PDE3B: variants seen among roughly 807,000 people sequenced by gnomAD.
The protein encoded by PDE3B is cGMP-inhibited 3',5'-cyclic phosphodiesterase 3B.
A neutral mutation model predicts 116.8 loss-of-function variants in PDE3B; 66 were observed. The ratio of observed to expected loss-of-function variants is 0.56; its 90% CI spans 0.46 to 0.69. PDE3B has a LOEUF of 0.69. PDE3B is among the 30% of genes least tolerant of loss of function. The pLI is 0.00. For missense variants in PDE3B, 1,384 were observed against 1,368.1 expected (o/e 1.01, Z -0.18); for synonymous variants, 595 against 533.6 (o/e 1.12, Z -1.59).
At chr11:14,789,322 T>C (rs1858314540) in intron 4 of PDE3B, 80 bp downstream of exon 4, 2 of 1,110,530 alleles carry the variant, frequency 1.8e-6, no homozygotes, top group Admixed American at 2.2e-5. Flanking sequence ...CAAATAGTTC[T>C]GGAAGCAGAA....
At chr11:14,840,705 G>A (rs959355686) in intron 11 of PDE3B, among the ~76,000 whole-genome samples, 1 of 152,270 alleles carries the variant, frequency 6.6e-6, no homozygotes, top group African/African-American at 2.4e-5. Context: ...TCTTTTGAAA[G>A]GTAATAAGGT....
At chr11:14,878,507 C>T in the PDE3B span, among the ~76,000 whole-genome samples, 27 of 151,912 alleles carry the variant, frequency 1.8e-4, no homozygotes, top group Admixed American at 1.1e-3. Flanking sequence ...TGTTAGACCA[C>T]GGACTTTTGT....
At chr11:14,780,703 A>G (rs896076544) in intron 2 of PDE3B, among the ~76,000 whole-genome samples, 1 of 152,220 alleles carries the variant, frequency 6.6e-6, no homozygotes, top group East Asian at 1.9e-4. Context: ...AATGCCCACA[A>G]GAGAAAGCAG....
downstream of PDE3B, among the ~76,000 whole-genome samples, chr11:14,875,893 C>T (rs1316068892): frequency 6.6e-6 from 1 of 152,106 alleles, no homozygotes; most frequent in Non-Finnish European, 1.5e-5. Context: ...TATAATTTGT[C>T]AGGCTTACAT....
At chr11:14,796,180 C>T (rs558277559) in intron 4 of PDE3B, among the ~76,000 whole-genome samples, 2 of 152,194 alleles carry the variant, frequency 1.3e-5, no homozygotes, top group African/African-American at 2.4e-5. Context: ...CCAGCTTCAT[C>T]CATGTCCCTG....
intron 1 of PDE3B, among the ~76,000 whole-genome samples, chr11:14,692,145 G>T (rs1206530545): frequency 6.6e-6 from 1 of 152,060 alleles, no homozygotes; most frequent in Non-Finnish European, 1.5e-5. Flanking sequence ...ATGGTGGCAT[G>T]TATCTGTAGT....
chr11:14,784,555 A>G (rs1027308817), intron 2 of PDE3B, among the ~76,000 whole-genome samples: 2 of 152,188 alleles, frequency 1.3e-5, no homozygotes, highest in East Asian at 3.8e-4. Context: ...GAAACTCTAT[A>G]AATTAATCAA....
chr11:14,849,908 A>G (rs1393837863), intron 12 of PDE3B, among the ~76,000 whole-genome samples: 2 of 151,840 alleles, frequency 1.3e-5, no homozygotes, highest in African/African-American at 2.4e-5. Context: ...AACTAGTTCA[A>G]CCATTGTGGA....
chr11:14,679,151 A>G (rs1459044354), intron 1 of PDE3B, among the ~76,000 whole-genome samples: 2 of 152,126 alleles, frequency 1.3e-5, no homozygotes, highest in East Asian at 1.9e-4. Flanking sequence ...CTTGATTACT[A>G]GAAAATTGTG....
rs112084502 is a variant in PDE3B, at chr11:14,674,273, C to T, written c.978+29220C>T. 5.4e-4 allele frequency: 604 copies of T among 1,123,892 alleles called. 1 individual carries two copies. In the African/African-American group the frequency reaches 8.1e-3, roughly 15 times the overall value. The allele number at this position is 1,123,892 out of a possible 1,614,324, so 69.6% of individuals were successfully genotyped here. A position where few individuals can be genotyped will look rare whatever the true frequency, so the allele number is the denominator to read the frequency against. ...TGTTGGAGACCAGATGTCTTCTTTC[C>T]TGGGGCAGCCCCTATCGTCTTCCCC... is the stretch of plus-strand genomic sequence containing the variant. On this transcript the variant is annotated intron_variant, in intron 1 of 15. Coordinates refer to ENST00000282096, the MANE Select transcript of PDE3B (RefSeq NM_000922.4).
chr11:14,893,706 T>A, the PDE3B span, among the ~76,000 whole-genome samples: 1 of 152,196 alleles, frequency 6.6e-6, no homozygotes, highest in Non-Finnish European at 1.5e-5. Flanking sequence ...TCTCTTCTAC[T>A]TCCTTCTTCC....
At chr11:14,891,706 C>G in the PDE3B span, 4 of 1,237,096 alleles carry the variant, frequency 3.2e-6, no homozygotes, top group Non-Finnish European at 4.1e-6. Flanking sequence ...GGAGCAAGAG[C>G]TCGAGCGGTA....
intron 5 of PDE3B, among the ~76,000 whole-genome samples, chr11:14,810,265 C>T (rs1859084459): frequency 1.3e-5 from 2 of 151,616 alleles, no homozygotes; most frequent in African/African-American, 4.8e-5. Context: ...GCGCTGCACC[C>T]ACTAACTCGT....
At chr11:14,828,875 G>A (rs1175960701) in intron 7 of PDE3B, among the ~76,000 whole-genome samples, 1 of 152,148 alleles carries the variant, frequency 6.6e-6, no homozygotes, top group Non-Finnish European at 1.5e-5. Flanking sequence ...GTTTATTGCA[G>A]CACTATTTAC....
chr11:14,788,266 A>G (rs1045911605), intron 3 of PDE3B, among the ~76,000 whole-genome samples: 2 of 151,990 alleles, frequency 1.3e-5, no homozygotes, highest in Non-Finnish European at 2.9e-5. Context: ...CAAAAGGGAA[A>G]AGGAACAGAC....
the PDE3B span, among the ~76,000 whole-genome samples, chr11:14,884,008 A>C: frequency 5.3e-5 from 8 of 152,046 alleles, no homozygotes; most frequent in Non-Finnish European, 1.2e-4. Flanking sequence ...TTAGAATGGC[A>C]ATCATTAAAA....
intron 4 of PDE3B, among the ~76,000 whole-genome samples, chr11:14,801,638 G>A (rs1565143626): frequency 6.6e-6 from 1 of 152,204 alleles, no homozygotes; most frequent in Non-Finnish European, 1.5e-5. Flanking sequence ...GAGGTAGTCT[G>A]ACCCTTAGCA....
chr11:14,862,678 A>G (rs1431899663), intron 14 of PDE3B, among the ~76,000 whole-genome samples: 3 of 152,072 alleles, frequency 2.0e-5, no homozygotes, highest in African/African-American at 7.2e-5. Context: ...GGTTCAAGCA[A>G]TTCTCTTGCT....
chr11:14,767,270 A>G (rs889602145), intron 1 of PDE3B, among the ~76,000 whole-genome samples: 1 of 151,618 alleles, frequency 6.6e-6, no homozygotes, highest in Non-Finnish European at 1.5e-5. Context: ...CAAAGTAGAC[A>G]ACATCCAGAA....
Sources: gnomAD v4.1 joint callset for allele counts (sites outside exome capture counted in the v4.1 genomes callset) on GRCh38, gnomAD v4.1.1 for gene constraint, MANE v1.5 for transcripts, NCBI Gene and HGNC (gene_info 2026-07-23, HGNC 2026-07-21) for gene names.